Variants in GREB1L observed in about 807,000 individuals in gnomAD.
GREB1L encodes the protein GREB1-like protein.
Under a neutral mutation model 200.8 loss-of-function variants are expected in GREB1L, and 17 were observed. The ratio of observed to expected loss-of-function variants is 0.08; its 90% CI spans 0.06 to 0.13. GREB1L has a LOEUF of 0.13. GREB1L is among the 10% of genes least tolerant of loss of function. GREB1L has a pLI of 1.00. For synonymous variants in GREB1L, 789 were observed against 893.0 expected (o/e 0.88, Z 2.08); for missense variants, 1,657 against 2,367.7 (o/e 0.70, Z 6.23).
chr18:21,482,389 C>T (rs1331005348), intron 17 of GREB1L, among the ~76,000 whole-genome samples: 1 of 152,224 alleles, frequency 6.6e-6, no homozygotes, highest in Admixed American at 6.5e-5. Flanking sequence ...TCCTGAGTAG[C>T]TGGGATTACA....
intron 23 of GREB1L, among the ~76,000 whole-genome samples, chr18:21,504,223 G>A (rs181925096): frequency 7.9e-4 from 121 of 152,274 alleles, no homozygotes; most frequent in African/African-American, 2.1e-3. Context: ...CATGTCCAGC[G>A]TGTCTTGGCA....
intron 1 of GREB1L, among the ~76,000 whole-genome samples, chr18:21,350,583 T>G (rs889458849): frequency 6.6e-6 from 1 of 152,114 alleles, no homozygotes; most frequent in African/African-American, 2.4e-5. Flanking sequence ...ATTTTGAACA[T>G]GTTGAGTTGG....
At chr18:21,296,660 T>C (rs1193681291) in intron 1 of GREB1L, among the ~76,000 whole-genome samples, 3 of 131,814 alleles carry the variant, frequency 2.3e-5, no homozygotes, top group African/African-American at 8.2e-5. Flanking sequence ...TTGTTTTTTG[T>C]TTTTTTTTTT....
chr18:21,473,145 G>A lies in GREB1L; in HGVS notation c.2297G>A (p.Arg766Lys). The A allele has an allele frequency of 6.4e-7, 1 of 1,550,526 alleles. No homozygotes were observed. The highest frequency in any genetic ancestry group is 8.7e-7 in the Non-Finnish European group (1 of 1,146,384). Residue 766 changes from arginine to lysine, a missense_variant, in exon 16 of 33, where the codon AGA (arginine) becomes AAA (lysine). By Grantham distance (26) the Arg-to-Lys change is conservative. Around this residue, in one of 9 missense-constraint regions of GREB1L, gnomAD observed 239 missense variants for 421.8 expected, o/e 0.57. Coordinates refer to ENST00000424526, the MANE Select transcript of GREB1L (RefSeq NM_001142966.3). ...ACCAAGTTTGAAGTTTTTATGAGGA[G>A]AGTGAAACAGAACCCGTACACACTG... ...IQTKFEVFMR[R>K]VKQNPYTLFV...
rs1314471111 is a variant in GREB1L at position 21,292,494 on chromosome 18, C to T, written c.-120+50101C>T. On this transcript the variant is annotated intron_variant, in intron 1 of 32. Transcript: ENST00000424526. ...TTTTCATCACCCCCAAAAGAAACCCCGTACTCGTTAGCTATCGCTTCTCAC... is the reference window on the plus strand; with the variant it reads ...TTTTCATCACCCCCAAAAGAAACCCTGTACTCGTTAGCTATCGCTTCTCAC... Among the ~76,000 whole-genome samples, 8 of 152,296 alleles carry T rather than the reference C, an allele frequency of 5.3e-5. No homozygotes were observed. In the South Asian group the frequency reaches 6.2e-4, roughly 12 times the overall value.
At chr18:21,427,073 A>G (rs2032673781) in intron 7 of GREB1L, among the ~76,000 whole-genome samples, 1 of 151,990 alleles carries the variant, frequency 6.6e-6, no homozygotes, top group Non-Finnish European at 1.5e-5. Flanking sequence ...TCTGTGAAGA[A>G]ACCAGCTGGA....
At chr18:21,406,630 T>C (rs2030271559) in intron 7 of GREB1L, among the ~76,000 whole-genome samples, 1 of 152,232 alleles carries the variant, frequency 6.6e-6, no homozygotes, top group South Asian at 2.1e-4. Flanking sequence ...CCTTAACTGA[T>C]GGATTGAGAT....
chr18:21,376,428 A>G (rs1347304059), intron 2 of GREB1L, among the ~76,000 whole-genome samples: 1 of 146,856 alleles, frequency 6.8e-6, no homozygotes, highest in African/African-American at 2.5e-5. Flanking sequence ...ATTTTTAAGA[A>G]AAAAAAAAAA....
At chr18:21,517,335 A>C (rs2037455258) in intron 30 of GREB1L, among the ~76,000 whole-genome samples, 1 of 152,144 alleles carries the variant, frequency 6.6e-6, no homozygotes, top group Non-Finnish European at 1.5e-5. Flanking sequence ...TCAAGGCTTT[A>C]GTTTCAAGAT....
At chr18:21,363,803 C>G (rs143537831) in intron 1 of GREB1L, 1 of 152,170 alleles carries the variant, frequency 6.6e-6, no homozygotes, top group Non-Finnish European at 1.5e-5. Context: ...TTATAAACAT[C>G]TTGGAAATCA....
At chr18:21,438,500 TA>T (rs1030382480) in intron 7 of GREB1L, among the ~76,000 whole-genome samples, 12 of 148,630 alleles carry the variant, frequency 8.1e-5, no homozygotes, top group South Asian at 4.3e-4. Flanking sequence ...TGCTCTCTCT[TA>T]AAAAAAAAAT....
chr18:21,514,011 T>C (rs1169071783), intron 28 of GREB1L, 25 bp downstream of exon 28: 9 of 1,546,922 alleles, frequency 5.8e-6, no homozygotes, highest in East Asian at 4.9e-5. Context: ...TGGGGGCGTA[T>C]GACACAATGC....
At chr18:21,253,291 C>T (rs1197276100) in intron 1 of GREB1L, among the ~76,000 whole-genome samples, 2 of 133,688 alleles carry the variant, frequency 1.5e-5, no homozygotes, top group African/African-American at 2.8e-5. Context: ...CTTGCTCTGT[C>T]GCCCAGGCTG....
intron 31 of GREB1L, among the ~76,000 whole-genome samples, chr18:21,518,507 C>T (rs1371529335): frequency 3.3e-5 from 5 of 152,204 alleles, no homozygotes; most frequent in African/African-American, 4.8e-5. Flanking sequence ...AGAGAATATA[C>T]AACTCAGCTG....
At chr18:21,498,230 T>C (rs554703270) in intron 21 of GREB1L, among the ~76,000 whole-genome samples, 9 of 152,280 alleles carry the variant, frequency 5.9e-5, no homozygotes, top group African/African-American at 1.4e-4. Context: ...CTGTCCATTC[T>C]GGCAGCAGCT....
At chr18:21,439,444 C>A in intron 7 of GREB1L, 77 bp from the exon 8 acceptor site, 1 of 828,452 alleles carries the variant, frequency 1.2e-6, no homozygotes, top group South Asian at 1.5e-5. Flanking sequence ...TGAGGTCTAT[C>A]AGATGGTTCC....
intron 1 of GREB1L, among the ~76,000 whole-genome samples, chr18:21,277,785 A>G (rs1378687398): frequency 2.0e-5 from 3 of 152,184 alleles, no homozygotes; most frequent in South Asian, 2.1e-4. Context: ...CCAGACCGTC[A>G]TGCTCTGTGA....
At chr18:21,499,499 A>C (rs1252478535) in intron 21 of GREB1L, among the ~76,000 whole-genome samples, 8 of 152,148 alleles carry the variant, frequency 5.3e-5, no homozygotes, top group African/African-American at 9.7e-5. Flanking sequence ...GCCACAGAAG[A>C]AGCACCCCAT....
chr18:21,426,991 A>C (rs1191447234), intron 7 of GREB1L, among the ~76,000 whole-genome samples: 24 of 136,630 alleles, frequency 1.8e-4, no homozygotes, highest in South Asian at 7.6e-4. Context: ...AAAAAAACAA[A>C]AAAAAAAAAC....
Sources: gnomAD v4.1 joint callset for allele counts (sites outside exome capture counted in the v4.1 genomes callset) on GRCh38, gnomAD v4.1.1 for gene constraint, gnomAD v4.1.1 regional missense constraint, MANE v1.5 for transcripts, NCBI Gene and HGNC (gene_info 2026-07-23, HGNC 2026-07-21) for gene names.